NGEF: variants seen among roughly 807,000 people sequenced by gnomAD.
The protein encoded by NGEF is neuronal guanine nucleotide exchange factor.
NGEF carries 31 observed loss-of-function variants against 80.9 expected under a neutral mutation model. The observed-to-expected ratio is 0.38, with a 90% CI of 0.29 to 0.52. The LOEUF (loss-of-function observed/expected upper bound fraction) is 0.52, where lower values mean the gene tolerates loss of function less well. Among genes scored for constraint, NGEF ranks in the 20% least tolerant of loss-of-function variants. The pLI, the probability that NGEF is intolerant of heterozygous loss-of-function variation, is 0.84. For missense variants in NGEF, 709 were observed against 926.2 expected (o/e 0.77, Z 3.04); for synonymous variants, 371 against 370.2 (o/e 1.00, Z -0.03).
chr2:232,882,249 A>C lies in NGEF; in HGVS notation c.1774T>G (p.Trp592Gly). 1 of 1,613,714 alleles carries C rather than the reference A, an allele frequency of 6.2e-7. No individual in the cohort carries two copies. Among genetic ancestry groups the C allele is most frequent in the Non-Finnish European group, 8.5e-7 (1 of 1,179,884 alleles). ...CTGTTGGGGGCCAGTGAGGTCATCC[A>C]ACGCTTCATCTCACTCCTGGCACAG... ...KASSQSEMKR[W>G]MTSLAPNRRT... Residue 592 changes from tryptophan to glycine, a missense_variant, in exon 13 of 15, where the codon TGG becomes GGG. Trp to Gly is a radical substitution (Grantham distance 184). Around this residue, in one of 2 missense-constraint regions of NGEF, gnomAD observed 426 missense variants for 622.9 expected, o/e 0.68. Transcript: ENST00000264051.
intron 3 of NGEF, among the ~76,000 whole-genome samples, chr2:232,942,792 CAAAA>C (rs35882284): frequency 8.3e-6 from 1 of 120,644 alleles, no homozygotes; most frequent in Non-Finnish European, 1.8e-5. Context: ...GACTCCGTCT[CAAAA>C]AAAAAAAAAA....
chr2:232,933,793 C>T (rs779028544), intron 3 of NGEF, among the ~76,000 whole-genome samples: 29 of 152,210 alleles, frequency 1.9e-4, no homozygotes, highest in Non-Finnish European at 4.1e-4. Context: ...GGTCTAGGCA[C>T]ATTGGGTGTC....
intron 5 of NGEF, among the ~76,000 whole-genome samples, chr2:232,918,915 C>G (rs1373796093): frequency 1.3e-5 from 2 of 152,174 alleles, no homozygotes; most frequent in African/African-American, 4.8e-5. Context: ...GCGTGAGCCA[C>G]CGCACCCAGT....
At chr2:233,008,493 C>T (rs1450095009) in intron 1 of NGEF, among the ~76,000 whole-genome samples, 2 of 152,186 alleles carry the variant, frequency 1.3e-5, no homozygotes, top group East Asian at 3.9e-4. Flanking sequence ...GATAGAGCAA[C>T]ACTCCAAAAG....
chr2:232,885,451 G>C, intron 9 of NGEF, 82 bp from the exon 10 acceptor site: 2 of 1,172,976 alleles, frequency 1.7e-6, no homozygotes, highest in Non-Finnish European at 1.3e-6. Context: ...GCCACAGACA[G>C]GGCTGAGTGA....
chr2:232,904,155 T>C (rs940310910), intron 5 of NGEF, among the ~76,000 whole-genome samples: 4 of 152,150 alleles, frequency 2.6e-5, no homozygotes, highest in Admixed American at 6.5e-5. Flanking sequence ...CCATTAGTCC[T>C]GTCTGGGCAT....
In NGEF at chr2:232,902,951, G is replaced by A. The variant is rs551507761; in HGVS notation, c.829-8035C>T. ...GGAGGTTGCAGTGAGCTGAGATCGC[G>A]CCACTGCACTCCAGCATAAGTGACA... On this transcript the variant is annotated intron_variant, in intron 5 of 14. Transcript: ENST00000264051. Among the ~76,000 whole-genome samples, 21 of 152,276 alleles carry A rather than the reference G, an allele frequency of 1.4e-4. 1 individual carries two copies. In the South Asian group the frequency reaches 3.5e-3, roughly 26 times the overall value.
At position 232,884,086 on chromosome 2, in the gene NGEF, A is replaced by G; in HGVS notation, c.1496T>C (p.Met499Thr). 1 of 1,612,138 alleles carries G rather than the reference A, an allele frequency of 6.2e-7. No homozygotes were observed. The highest frequency in any genetic ancestry group is 8.5e-7 in the Non-Finnish European group (1 of 1,179,584). Residue 499 changes from methionine (M) to threonine (T), a missense_variant, in exon 11 of 15, where the codon ATG becomes ACG. Transcript: ENST00000264051. ...WLLKQGELQQ[M>T]SGPKTSRTLR... is the part of the protein sequence containing the mutation. Reference sequence around the variant, plus strand: ...GGTCCGGGAGGTCTTGGGGCCTGACATCTGCTGCAGCTCACCCTGCTTCAG... The same window carrying G: ...GGTCCGGGAGGTCTTGGGGCCTGACGTCTGCTGCAGCTCACCCTGCTTCAG...
At chr2:232,900,423 T>G (rs62647549) in intron 5 of NGEF, among the ~76,000 whole-genome samples, 1 of 13,086 alleles carries the variant, frequency 7.6e-5, no homozygotes, top group African/African-American at 3.1e-4. Flanking sequence ...CACATTCACT[T>G]ACATGCTCTC....
At chr2:232,965,184 T>C (rs1448912841) in intron 3 of NGEF, among the ~76,000 whole-genome samples, 5 of 152,206 alleles carry the variant, frequency 3.3e-5, no homozygotes, top group Non-Finnish European at 7.3e-5. Flanking sequence ...CTTTGTGCCA[T>C]GTAGAGGTTT....
intron 3 of NGEF, among the ~76,000 whole-genome samples, chr2:232,963,580 G>A (rs141389320): frequency 6.6e-5 from 10 of 152,142 alleles, no homozygotes; most frequent in African/African-American, 1.4e-4. Flanking sequence ...TTGGGAGGCC[G>A]AGGCAGGCAG....
At chr2:232,997,831 T>C (rs1180163674) in intron 1 of NGEF, among the ~76,000 whole-genome samples, 1 of 152,222 alleles carries the variant, frequency 6.6e-6, no homozygotes, top group South Asian at 2.1e-4. Flanking sequence ...GCACCTTCCC[T>C]GTGCTCTGTA....
chr2:232,912,057 A>G (rs1692699590), intron 5 of NGEF, among the ~76,000 whole-genome samples: 1 of 152,212 alleles, frequency 6.6e-6, no homozygotes, highest in African/African-American at 2.4e-5. Context: ...GGAGCAGTGA[A>G]GGAACAGACA....
At chr2:232,881,958 T>C (rs1691517900) in intron 13 of NGEF, among the ~76,000 whole-genome samples, 1 of 152,216 alleles carries the variant, frequency 6.6e-6, no homozygotes, top group African/African-American at 2.4e-5. Context: ...GGTGACTTTG[T>C]GGTACCTGTC....
At chr2:232,921,842 G>T (rs1692952183) in intron 4 of NGEF, among the ~76,000 whole-genome samples, 1 of 152,152 alleles carries the variant, frequency 6.6e-6, no homozygotes, top group South Asian at 2.1e-4. Context: ...GGGAGAGCCA[G>T]GACGGAGGCT....
intron 9 of NGEF, among the ~76,000 whole-genome samples, chr2:232,886,191 G>T (rs1412234836): frequency 1.3e-5 from 1 of 75,806 alleles, no homozygotes; most frequent in African/African-American, 5.4e-5. Flanking sequence ...TGTGCCATGT[G>T]TGCTGTGTGT....
Position 232,879,425 on chromosome 2 carries a change from C to CCT in NGEF, c.*63_*64insAG. 7.0e-7 allele frequency: 1 copy of CCT among 1,424,244 alleles called. No individual in the cohort carries two copies. Among genetic ancestry groups the CCT allele is most frequent in the Non-Finnish European group, 9.6e-7 (1 of 1,046,676 alleles). 88.2% of individuals were successfully genotyped at this position (1,424,244 alleles called of 1,614,324 possible). A position where few individuals can be genotyped will look rare whatever the true frequency, so the allele number is the denominator to read the frequency against. On this transcript the variant is annotated 3_prime_UTR_variant, in exon 15 of 15. Transcript: ENST00000264051. ...GCTGGCCTGTGCTTCCCAGAGCCCC[C>CCT]CCCCCCCCACCTTCTGTCGGGGTCT... is the stretch of plus-strand genomic sequence containing the variant.
chr2:232,882,598 C>G (rs1691539505), intron 12 of NGEF, among the ~76,000 whole-genome samples: 1 of 152,260 alleles, frequency 6.6e-6, no homozygotes. Context: ...GCCACGCCAC[C>G]AAAGCCACAG....
At chr2:232,909,623 T>G (rs1410687396) in intron 5 of NGEF, among the ~76,000 whole-genome samples, 1 of 152,136 alleles carries the variant, frequency 6.6e-6, no homozygotes, top group African/African-American at 2.4e-5. Flanking sequence ...TTCTATGAAT[T>G]CTAACGTATC....
Sources: allele counts gnomAD v4.1 joint callset (sites outside exome capture counted in the v4.1 genomes callset), GRCh38; gene constraint gnomAD v4.1.1; regional missense constraint gnomAD v4.1.1; transcripts MANE v1.5; gene names NCBI Gene and HGNC (gene_info 2026-07-23, HGNC 2026-07-21).